The following PDE8B variants were observed in gnomAD, a reference collection of about 807,000 sequenced individuals.
PDE8B encodes high affinity cAMP-specific and IBMX-insensitive 3',5'-cyclic phosphodiesterase 8B.
Under a neutral mutation model 101.3 loss-of-function variants are expected in PDE8B, and 26 were observed. The ratio of observed to expected loss-of-function variants is 0.26; its 90% CI spans 0.19 to 0.36. The LOEUF is 0.36. PDE8B is among the 10% of genes least tolerant of loss of function. The probability of loss-of-function intolerance (pLI) is 1.00; values close to 1 mark genes in which losing one functional copy is unlikely to be tolerated. For synonymous variants in PDE8B, 424 were observed against 429.3 expected, an observed-to-expected ratio of 0.99 and a Z score of 0.15; for missense variants, 810 against 1,163.1, an observed-to-expected ratio of 0.70 and a Z score of 4.42.
At chr5:77,318,015 C>G (rs1581005201) in intron 2 of PDE8B, among the ~76,000 whole-genome samples, 3 of 129,784 alleles carry the variant, frequency 2.3e-5, no homozygotes, top group Admixed American at 8.8e-5. Context: ...AAGATCGCAC[C>G]ATTGCACTCC....
chr5:77,175,191 A>G, the PDE8B span, among the ~76,000 whole-genome samples: 1 of 151,920 alleles, frequency 6.6e-6, no homozygotes, highest in East Asian at 1.9e-4. Context: ...AGTAACCCCC[A>G]TCTCTTATGT....
At chr5:77,392,109 A>C (rs1039340185) in intron 10 of PDE8B, among the ~76,000 whole-genome samples, 1 of 152,214 alleles carries the variant, frequency 6.6e-6, no homozygotes, top group Non-Finnish European at 1.5e-5. Flanking sequence ...CAGGTTGGTC[A>C]TGTAATTGTT....
At chr5:77,389,221 T>C (rs1293485389) in intron 10 of PDE8B, among the ~76,000 whole-genome samples, 1 of 152,210 alleles carries the variant, frequency 6.6e-6, no homozygotes, top group Non-Finnish European at 1.5e-5. Context: ...GGGAATCCCC[T>C]GGTCTGCGGA....
At chr5:77,407,234 G>A in intron 12 of PDE8B, 147 bp from the exon 13 acceptor site, 1 of 720,912 alleles carries the variant, frequency 1.4e-6, no homozygotes, top group Non-Finnish European at 2.5e-6. Flanking sequence ...TACCAGCCTT[G>A]GCAGAAGAGA....
Position 77,340,416 on chromosome 5 carries a change from T to C in PDE8B, c.797+3101T>C, listed in dbSNP as rs114962509. On this transcript the variant is annotated intron_variant, in intron 6 of 21. Transcript: ENST00000264917. The stretch of plus-strand genomic sequence containing the variant: ...AGCTGTGAAGGCTTAAAATAACCAG[T>C]CCCTATTGCTTTATTGCCCAGTAAT... Among the ~76,000 whole-genome samples the C allele has an allele frequency of 5.2e-3, 799 of 152,248 alleles. 7 individuals are homozygous for C. The highest frequency in any genetic ancestry group is 0.019 in the African/African-American group (779 of 41,538).
chr5:77,329,354 G>A (rs1776672250), intron 4 of PDE8B, among the ~76,000 whole-genome samples: 1 of 152,200 alleles, frequency 6.6e-6, no homozygotes, highest in African/African-American at 2.4e-5. Context: ...AGGTGGTCTG[G>A]AGAAAACATT....
intron 1 of PDE8B, among the ~76,000 whole-genome samples, chr5:77,229,027 G>A (rs1752992934): frequency 6.6e-6 from 1 of 152,162 alleles, no homozygotes; most frequent in African/African-American, 2.4e-5. Flanking sequence ...AGGAAGCAGG[G>A]GAAAGAGAAG....
At chr5:77,404,662 C>T (rs983898915) in intron 11 of PDE8B, 58 bp from the exon 12 acceptor site, 1 of 970,732 alleles carries the variant, frequency 1.0e-6, no homozygotes, top group Admixed American at 1.7e-5. Context: ...ATGTTTGAAT[C>T]TCTTCTGTGA....
chr5:77,226,203 A>G (rs917875037), intron 1 of PDE8B, among the ~76,000 whole-genome samples: 1 of 149,598 alleles, frequency 6.7e-6, no homozygotes, highest in African/African-American at 2.5e-5. Context: ...AAAATATGGT[A>G]TATTCAGAGA....
In PDE8B at chr5:77,238,029, A is replaced by G. The variant is rs115025898; in HGVS notation, c.339+26765A>G. 4.7e-3 allele frequency among the ~76,000 whole-genome samples: 717 copies of G among 152,110 alleles called. 3 individuals carry two copies. The highest frequency in any genetic ancestry group is 0.016 in the African/African-American group (671 of 41,520). ...TGGATGCTTTCAAGAATTTTTCATT[A>G]TCTTTAGTTTTCAGTAGTTTGATTA... On this transcript the variant is annotated intron_variant, in intron 1 of 21. Coordinates refer to ENST00000264917, the MANE Select transcript of PDE8B (RefSeq NM_003719.5).
intron 1 of PDE8B, among the ~76,000 whole-genome samples, chr5:77,254,881 G>A (rs1758788615): frequency 6.6e-6 from 1 of 152,214 alleles, no homozygotes; most frequent in East Asian, 1.9e-4. Flanking sequence ...AGCCTTAGGG[G>A]AGTACGGTTG....
At chr5:77,111,948 T>G in the PDE8B span, 1 of 152,148 alleles carries the variant, frequency 6.6e-6, no homozygotes, top group Non-Finnish European at 1.5e-5. Flanking sequence ...ATTGTTCATC[T>G]CCTGTAAATC....
chr5:77,231,926 G>C (rs1753661855), intron 1 of PDE8B, among the ~76,000 whole-genome samples: 1 of 152,242 alleles, frequency 6.6e-6, no homozygotes, highest in African/African-American at 2.4e-5. Flanking sequence ...TGCCCTGCCA[G>C]TGCCTCCCAC....
chr5:77,409,968 A>G (rs1326607858), intron 14 of PDE8B, among the ~76,000 whole-genome samples: 1 of 152,236 alleles, frequency 6.6e-6, no homozygotes, highest in Non-Finnish European at 1.5e-5. Context: ...GCTTCTAGGC[A>G]GCACTGCCAA....
chr5:77,120,612 A>C, the PDE8B span, among the ~76,000 whole-genome samples: 1 of 152,270 alleles, frequency 6.6e-6, no homozygotes, highest in African/African-American at 2.4e-5. Context: ...TTAGTTGTAC[A>C]ATCTAGATAG....
chr5:77,265,851 C>T (rs796558648), intron 1 of PDE8B, among the ~76,000 whole-genome samples: 13 of 152,318 alleles, frequency 8.5e-5, no homozygotes, highest in African/African-American at 2.9e-4. Context: ...CTAAATTGCA[C>T]GTTCTTCAAG....
rs777725024 is a variant in PDE8B at position 77,211,087 on chromosome 5, C to G, written c.162C>G (p.Pro54=). The change falls in exon 1 of 22, where the codon CCC becomes CCG. Residue 54 remains proline, a synonymous_variant. Transcript: ENST00000264917. This position sits in a 1 kb window ranked among gnomAD's most constrained non-coding sequence, Gnocchi z 4.1. ...FVQTDAADAI[P]PSRASGPPSV... is the part of the protein sequence containing the mutation. ...AGACCGACGCCGCCGACGCCATCCCCCCGAGCCGCGCGTCGGGACCCCCCA... is the reference window on the plus strand; with the variant it reads ...AGACCGACGCCGCCGACGCCATCCCGCCGAGCCGCGCGTCGGGACCCCCCA... The G allele has an allele frequency of 5.3e-6, 8 of 1,497,116 alleles. No individual in the cohort carries two copies. The South Asian group carries it at 8.7e-5, about 16-fold the overall frequency. The allele number at this position is 1,497,116 out of a possible 1,614,324, so 92.7% of individuals were successfully genotyped here. A position where few individuals can be genotyped will look rare whatever the true frequency, so the allele number is the denominator to read the frequency against.
intron 7 of PDE8B, among the ~76,000 whole-genome samples, chr5:77,345,255 C>T (rs1417448367): frequency 2.6e-5 from 4 of 152,164 alleles, no homozygotes; most frequent in African/African-American, 9.7e-5. Context: ...TAATTTCTGC[C>T]TCTCAGGTTC....
At chr5:77,341,999 C>T (rs1779284929) in intron 6 of PDE8B, among the ~76,000 whole-genome samples, 1 of 152,184 alleles carries the variant, frequency 6.6e-6, no homozygotes, top group Non-Finnish European at 1.5e-5. Flanking sequence ...CCTTCTCACA[C>T]TGATATCTTC....
Sources: allele counts gnomAD v4.1 joint callset (sites outside exome capture counted in the v4.1 genomes callset), GRCh38; gene constraint gnomAD v4.1.1; non-coding constraint Gnocchi (gnomAD v3.1); transcripts MANE v1.5; gene names NCBI Gene and HGNC (gene_info 2026-07-23, HGNC 2026-07-21).